HYKK: variants seen among roughly 807,000 people sequenced by gnomAD.
HYKK encodes 5-hydroxy-L-lysine kinase.
Under a neutral mutation model 29.7 loss-of-function variants are expected in HYKK, and 19 were observed. The ratio of observed to expected loss-of-function variants is 0.64; its 90% CI spans 0.45 to 0.94. HYKK has a LOEUF of 0.94. HYKK is among the 40% of genes least tolerant of loss of function. The pLI is 0.00. For missense variants in HYKK, 390 were observed against 443.4 expected (o/e 0.88, Z 1.08); for synonymous variants, 152 against 158.1 (o/e 0.96, Z 0.29).
In HYKK at chr15:78,515,306, GTGT is replaced by G. The variant is rs148706044; in HGVS notation, c.477+203_477+205del. Among the ~76,000 whole-genome samples the G allele has an allele frequency of 9.9e-3, 1,502 of 152,264 alleles. 33 individuals are homozygous for G. The highest frequency in any genetic ancestry group is 0.059 in the South Asian group (286 of 4,818). On this transcript the variant is annotated intron_variant, in intron 3 of 4. Coordinates refer to ENST00000388988, the MANE Select transcript of HYKK (RefSeq NM_001013619.4). The stretch of plus-strand genomic sequence containing the variant: ...CCTAACTCTTACTGGTGTAGGCCAG[GTGT>G]TGTGGCCCACGCCTGTAATCCCAGC...
intron 3 of HYKK, among the ~76,000 whole-genome samples, chr15:78,518,928 A>AAAAG (rs2052163696): frequency 6.6e-6 from 1 of 151,996 alleles, no homozygotes; most frequent in Non-Finnish European, 1.5e-5. Context: ...AAAAAAAAAA[A>AAAAG]AAAAAAACTG....
chr15:78,511,481 G>A (rs2052072187), intron 1 of HYKK, among the ~76,000 whole-genome samples: 1 of 152,034 alleles, frequency 6.6e-6, no homozygotes, highest in Non-Finnish European at 1.5e-5. Context: ...CAGCACTTTG[G>A]GATTACAAAG....
At chr15:78,514,471 C>G (rs1470161066) in intron 2 of HYKK, among the ~76,000 whole-genome samples, 1 of 152,116 alleles carries the variant, frequency 6.6e-6, no homozygotes, top group African/African-American at 2.4e-5. Context: ...TTGCATTGCT[C>G]CAAATACGTG....
At chr15:78,530,668 T>G (rs1381609711) in intron 4 of HYKK, among the ~76,000 whole-genome samples, 1 of 152,122 alleles carries the variant, frequency 6.6e-6, no homozygotes, top group East Asian at 1.9e-4. Flanking sequence ...AAAAAATTTT[T>G]TTTTATAGCT....
intron 4 of HYKK, chr15:78,528,873 G>A: frequency 1.0e-6 from 1 of 982,142 alleles, no homozygotes; most frequent in Non-Finnish European, 1.2e-6. Context: ...GTGTTTCTCA[G>A]TGTTTCCTTA....
rs1596035419 is a variant in HYKK at position 78,531,073 on chromosome 15, G to C, written c.662-2137G>C. ...AGATGGAGTTTTGCCATGTTGGTCAGGTTGGTCTTGAACTCCTGGCCTCAA... is the reference window on the plus strand; with the variant it reads ...AGATGGAGTTTTGCCATGTTGGTCACGTTGGTCTTGAACTCCTGGCCTCAA... On this transcript the variant is annotated intron_variant, in intron 4 of 4. Coordinates refer to ENST00000388988, the MANE Select transcript of HYKK (RefSeq NM_001013619.4). 4.6e-5 allele frequency among the ~76,000 whole-genome samples: 7 copies of C among 152,152 alleles called. 1 individual carries two copies. The South Asian group carries it at 1.5e-3, about 32-fold the overall frequency.
In HYKK at chr15:78,513,378, C is replaced by T. The variant is rs2052095208; in HGVS notation, c.290C>T (p.Ser97Phe). The T allele has an allele frequency of 1.2e-6, 2 of 1,614,058 alleles. No individual in the cohort carries two copies. The highest frequency in any genetic ancestry group is 1.3e-5 in the African/African-American group (1 of 74,938). ...FLKAAGFPTA[S>F]VCHTKGDNTA... ...AAAGCCGCTGGATTTCCAACAGCCT[C>T]TGTGTGTCACACTAAAGGAGACAAC... The change falls in exon 2 of 5, where the codon TCT becomes TTT. Residue 97 changes from serine (S) to phenylalanine (F), a missense_variant. Coordinates refer to ENST00000388988, the MANE Select transcript of HYKK (RefSeq NM_001013619.4).
Position 78,510,089 on chromosome 15 carries a change from TTTTC to T in HYKK, c.-6+2428_-6+2431del, listed in dbSNP as rs772574528. Among the ~76,000 whole-genome samples, 83 of 150,686 alleles carry T rather than the reference TTTTC, an allele frequency of 5.5e-4. No homozygotes were observed. In the East Asian group the frequency reaches 0.015, roughly 27 times the overall value. On this transcript the variant is annotated intron_variant, in intron 1 of 4. Transcript: ENST00000388988. ...TCTTCTCTTTTTTTTTCTTTCTTTCTTTTCTTTCTTTCTCTCTCTCTCTTTCTTC... is the reference window on the plus strand; with the variant it reads ...TCTTCTCTTTTTTTTTCTTTCTTTCTTTTCTTTCTCTCTCTCTCTTTCTTC...
chr15:78,536,114 T>C lies in HYKK; in HGVS notation c.*2444T>C, dbSNP rs1244922834. ...TCACTTAATTTTTACAACAAACCTG[T>C]GTGGGAAGTACTGTTATAATTAATC... is the stretch of plus-strand genomic sequence containing the variant. On this transcript the variant is annotated 3_prime_UTR_variant, in exon 5 of 5. Transcript: ENST00000388988. 2.6e-5 allele frequency: 4 copies of C among 152,206 alleles called. No individual in the cohort carries two copies. The highest frequency in any genetic ancestry group is 9.6e-5 in the African/African-American group (4 of 41,454). 9.4% of individuals were successfully genotyped at this position (152,206 alleles called of 1,614,324 possible). A position where few individuals can be genotyped will look rare whatever the true frequency, so the allele number is the denominator to read the frequency against.
At chr15:78,512,510 T>A (rs565879312) in intron 1 of HYKK, among the ~76,000 whole-genome samples, 32 of 150,714 alleles carry the variant, frequency 2.1e-4, no homozygotes, top group Admixed American at 7.3e-4. Context: ...CAAGTGATTC[T>A]CCTGCCTCAG....
rs148835135 is a variant in HYKK at position 78,517,400 on chromosome 15, A to C, written c.477+2293A>C. On this transcript the variant is annotated intron_variant, in intron 3 of 4. Coordinates refer to ENST00000388988, the MANE Select transcript of HYKK (RefSeq NM_001013619.4). ...GACCAGCTAGCCTGGCCCACATGGC[A>C]AAACCCTGTCTCTACTGAAAATACA... Among the ~76,000 whole-genome samples the C allele has an allele frequency of 5.0e-3, 760 of 152,052 alleles. 7 individuals carry two copies. Among genetic ancestry groups the C allele is most frequent in the African/African-American group, 0.017 (702 of 41,486 alleles).
chr15:78,523,907 C>G (rs2052223243), intron 3 of HYKK, among the ~76,000 whole-genome samples: 1 of 152,268 alleles, frequency 6.6e-6, no homozygotes, highest in Non-Finnish European at 1.5e-5. Context: ...GATGGGCTCC[C>G]AAGCCTGGGG....
intron 3 of HYKK, among the ~76,000 whole-genome samples, chr15:78,518,116 G>A (rs1008367402): frequency 2.6e-5 from 4 of 152,158 alleles, no homozygotes; most frequent in South Asian, 2.1e-4. Flanking sequence ...TCTGGGCTCC[G>A]CCTGGGTCTT....
At chr15:78,524,799 ACT>A (rs2141361104) in intron 3 of HYKK, among the ~76,000 whole-genome samples, 2 of 152,052 alleles carry the variant, frequency 1.3e-5, no homozygotes, top group Non-Finnish European at 2.9e-5. Context: ...ACAGAGAGAG[ACT>A]CTGCCTCAAA....
intron 4 of HYKK, 54 bp from the exon 5 acceptor site, chr15:78,533,156 G>T (rs12907169): frequency 2.7e-6 from 3 of 1,094,278 alleles, no homozygotes; most frequent in East Asian, 2.4e-5. Flanking sequence ...GAAATGGAAG[G>T]GGAATGAATT....
intron 3 of HYKK, among the ~76,000 whole-genome samples, chr15:78,524,614 G>A (rs182187712): frequency 1.1e-4 from 16 of 152,264 alleles, no homozygotes; most frequent in African/African-American, 3.1e-4. Context: ...TTCGAGATCA[G>A]CCTGGCCAAC....
chr15:78,533,681 C>G lies in HYKK; in HGVS notation c.*11C>G. The G allele has an allele frequency of 6.3e-7, 1 of 1,575,832 alleles. No individual in the cohort carries two copies. Among genetic ancestry groups the G allele is most frequent in the Middle Eastern group, 1.7e-4 (1 of 5,964 alleles). ...GGGATCTCCATGTGACTGAGATCTC[C>G]ATGTGACTCAAAGTTCACTTTAACT... On this transcript the variant is annotated 3_prime_UTR_variant, in exon 5 of 5. Coordinates refer to ENST00000388988, the MANE Select transcript of HYKK (RefSeq NM_001013619.4).
intron 3 of HYKK, among the ~76,000 whole-genome samples, chr15:78,519,305 A>T (rs2141357453): frequency 6.6e-6 from 1 of 152,268 alleles, no homozygotes; most frequent in East Asian, 1.9e-4. Flanking sequence ...AACATATTAA[A>T]CATTTCCGTC....
intron 4 of HYKK, among the ~76,000 whole-genome samples, chr15:78,531,896 A>G (rs2141365096): frequency 6.6e-6 from 1 of 152,002 alleles, no homozygotes; most frequent in African/African-American, 2.4e-5. Context: ...AGAAATACGT[A>G]GTTTAAAATC....
Sources: gnomAD v4.1 joint callset for allele counts (sites outside exome capture counted in the v4.1 genomes callset) on GRCh38, gnomAD v4.1.1 for gene constraint, MANE v1.5 for transcripts, NCBI Gene and HGNC (gene_info 2026-07-23, HGNC 2026-07-21) for gene names.